Variants in NALCN observed in about 807,000 individuals in gnomAD.
The protein encoded by NALCN is sodium leak channel, non-selective.
Under a neutral mutation model 225.3 loss-of-function variants are expected in NALCN, and 111 were observed. The observed-to-expected ratio is 0.49, with a 90% CI of 0.42 to 0.58. NALCN has a LOEUF of 0.58. Ranked by LOEUF, NALCN falls within the 20% of genes least tolerant of loss-of-function variation. NALCN has a pLI of 0.00. For missense variants in NALCN, 1,378 were observed against 2,202.4 expected, an observed-to-expected ratio of 0.63 and a Z score of 7.49; for synonymous variants, 764 against 769.0, an observed-to-expected ratio of 0.99 and a Z score of 0.11.
intron 1 of NALCN, among the ~76,000 whole-genome samples, chr13:101,406,216 C>T (rs1332295352): frequency 6.6e-6 from 1 of 151,580 alleles, no homozygotes; most frequent in Non-Finnish European, 1.5e-5. Context: ...GTCCCAGCTA[C>T]TCAGGAGTCT....
intron 17 of NALCN, among the ~76,000 whole-genome samples, chr13:101,126,517 T>C (rs976386120): frequency 4.7e-5 from 7 of 149,218 alleles, no homozygotes; most frequent in African/African-American, 1.7e-4. Flanking sequence ...TTTTTTAAGA[T>C]AGTCTTGCTC....
chr13:101,394,915 A>C (rs1308835969), intron 3 of NALCN, among the ~76,000 whole-genome samples: 1 of 152,172 alleles, frequency 6.6e-6, no homozygotes, highest in Non-Finnish European at 1.5e-5. Context: ...ACCCTACTCG[A>C]GACTTCACAC....
At chr13:101,250,722 T>C (rs1356861249) in intron 11 of NALCN, among the ~76,000 whole-genome samples, 1 of 151,978 alleles carries the variant, frequency 6.6e-6, no homozygotes, top group Non-Finnish European at 1.5e-5. Context: ...AAGATGACTA[T>C]ATCTTACAGT....
intron 18 of NALCN, among the ~76,000 whole-genome samples, chr13:101,118,847 C>T (rs1441779905): frequency 6.6e-6 from 1 of 152,184 alleles, no homozygotes; most frequent in South Asian, 2.1e-4. Context: ...AGTCCAGCAC[C>T]TTCCCTTTCC....
chr13:101,357,882 C>A (rs565634002), intron 6 of NALCN, among the ~76,000 whole-genome samples: 1 of 152,106 alleles, frequency 6.6e-6, no homozygotes, highest in African/African-American at 2.4e-5. Context: ...AATCACATCA[C>A]GCATCTACAA....
chr13:101,111,337 C>T (rs752859651), intron 18 of NALCN, 111 bp from the exon 19 acceptor site: 232 of 771,456 alleles, frequency 3.0e-4, no homozygotes, highest in South Asian at 8.3e-4. Flanking sequence ...AATGAAAACA[C>T]AAAATACAGC....
intron 14 of NALCN, among the ~76,000 whole-genome samples, chr13:101,187,825 T>C (rs2039512063): frequency 6.6e-6 from 1 of 152,130 alleles, no homozygotes; most frequent in African/African-American, 2.4e-5. Context: ...GTCCACAGTG[T>C]TTTCTTAAAG....
At chr13:101,301,325 G>A (rs556959691) in intron 7 of NALCN, among the ~76,000 whole-genome samples, 3 of 152,192 alleles carry the variant, frequency 2.0e-5, no homozygotes. Flanking sequence ...AAAGAAACCT[G>A]GTCAGATACC....
chr13:101,284,671 T>C (rs2043279262), intron 9 of NALCN, among the ~76,000 whole-genome samples: 1 of 152,302 alleles, frequency 6.6e-6, no homozygotes, highest in East Asian at 1.9e-4. Context: ...AAATTTTATG[T>C]ACGTATTATG....
intron 6 of NALCN, among the ~76,000 whole-genome samples, chr13:101,352,311 G>A (rs2045928724): frequency 6.6e-6 from 1 of 152,142 alleles, no homozygotes; most frequent in African/African-American, 2.4e-5. Flanking sequence ...CAGATGGTGG[G>A]TACTGGGAAA....
chr13:101,278,724 G>A lies in NALCN; in HGVS notation c.1134+5209C>T, dbSNP rs113616854. 3.3e-3 allele frequency among the ~76,000 whole-genome samples: 503 copies of A among 152,194 alleles called. 6 individuals carry two copies. Among genetic ancestry groups the A allele is most frequent in the African/African-American group, 0.011 (476 of 41,528 alleles). ...ACCACATATTAGAGGAGACATCCTG[G>A]CAAAACTATCCAGAGATATCCAAAG... On this transcript the variant is annotated intron_variant, in intron 10 of 43. Coordinates refer to ENST00000251127, the MANE Select transcript of NALCN (RefSeq NM_052867.4).
At chr13:101,202,262 G>A (rs1038791945) in intron 13 of NALCN, among the ~76,000 whole-genome samples, 3 of 152,120 alleles carry the variant, frequency 2.0e-5, no homozygotes, top group Non-Finnish European at 4.4e-5. Flanking sequence ...AAGTATATTG[G>A]TTGGCAAAGT....
At chr13:101,359,857 C>T (rs1159564510) in intron 6 of NALCN, among the ~76,000 whole-genome samples, 1 of 152,160 alleles carries the variant, frequency 6.6e-6, no homozygotes, top group African/African-American at 2.4e-5. Context: ...CTGAGGCTTT[C>T]TTCCAGATCT....
Position 101,104,477 on chromosome 13 carries a change from T to A in NALCN, c.2758-51A>T. ...TTACAATGAACGGAAAAACAGCAGG[T>A]CAGTATTTTACCTCCTAGTTGTAAG... On this transcript the variant is annotated intron_variant, in intron 24 of 43. Coordinates refer to ENST00000251127, the MANE Select transcript of NALCN (RefSeq NM_052867.4). This position sits in a 1 kb window ranked among gnomAD's most constrained non-coding sequence, Gnocchi z 4.2. 1 of 1,612,920 alleles carries A rather than the reference T, an allele frequency of 6.2e-7. No individual in the cohort carries two copies. The highest frequency in any genetic ancestry group is 8.5e-7 in the Non-Finnish European group (1 of 1,179,164).
intron 30 of NALCN, among the ~76,000 whole-genome samples, chr13:101,086,624 A>G (rs942380166): frequency 1.3e-5 from 2 of 152,042 alleles, no homozygotes; most frequent in East Asian, 3.8e-4. Context: ...TTCCTTATAC[A>G]TTCACTTGAT....
At chr13:101,116,503 T>C (rs754088466) in intron 18 of NALCN, 7 of 517,346 alleles carry the variant, frequency 1.4e-5, no homozygotes, top group Non-Finnish European at 2.3e-5. Context: ...ATAGACACAG[T>C]AGCAGGGGGT....
intron 6 of NALCN, among the ~76,000 whole-genome samples, chr13:101,352,445 TGA>T (rs200102499): frequency 2.3e-3 from 355 of 151,872 alleles, no homozygotes; most frequent in Middle Eastern, 3.4e-3. Context: ...CATTTGCATA[TGA>T]GAGAGAGAGA....
In NALCN at chr13:101,288,666, C is replaced by G. The variant is rs866405511; in HGVS notation, c.1047+3324G>C. On this transcript the variant is annotated intron_variant, in intron 9 of 43. Transcript: ENST00000251127. ...TGCTCAATCAGAGATAATAACAGACCCAGAAATGATTGCTGTCTTTGTGCA... is the reference window on the plus strand; with the variant it reads ...TGCTCAATCAGAGATAATAACAGACGCAGAAATGATTGCTGTCTTTGTGCA... Among the ~76,000 whole-genome samples, 5 of 152,038 alleles carry G rather than the reference C, an allele frequency of 3.3e-5. No homozygotes were observed. In the East Asian group the frequency reaches 9.6e-4, roughly 29 times the overall value.
At chr13:101,127,445 G>A (rs894231480) in intron 17 of NALCN, among the ~76,000 whole-genome samples, 3 of 152,040 alleles carry the variant, frequency 2.0e-5, no homozygotes, top group Non-Finnish European at 2.9e-5. Context: ...TGCAACCTCC[G>A]CCCCCTGGGT....
Sources: gnomAD v4.1 joint callset for allele counts (sites outside exome capture counted in the v4.1 genomes callset) on GRCh38, gnomAD v4.1.1 for gene constraint, Gnocchi (gnomAD v3.1) non-coding constraint, MANE v1.5 for transcripts, NCBI Gene and HGNC (gene_info 2026-07-23, HGNC 2026-07-21) for gene names.